Variants in HDAC8 observed in about 807,000 individuals in gnomAD.
HDAC8 encodes the protein histone deacetylase 8.
Under a neutral mutation model 32.2 loss-of-function variants are expected in HDAC8, and 1 was observed. The ratio of observed to expected loss-of-function variants is 0.03; its 90% confidence interval spans 0.01 to 0.15. The LOEUF is 0.15. HDAC8 is among the 10% of genes least tolerant of loss of function. The pLI is 1.00. For missense variants in HDAC8, 117 were observed against 300.0 expected, an observed-to-expected ratio of 0.39 and a Z score of 4.51; for synonymous variants, 108 against 113.9, an observed-to-expected ratio of 0.95 and a Z score of 0.33.
chrX:72,572,595 C>CA, intron 1 of HDAC8, 56 bp downstream of exon 1: 1 of 748,056 alleles, frequency 1.3e-6, no homozygotes, highest in Non-Finnish European at 2.0e-6. Context: ...CTCTTTCGTC[C>CA]ACCGCCCCCA....
intron 9 of HDAC8, among the ~76,000 whole-genome samples, chrX:72,452,333 G>A (rs1345627690): frequency 8.9e-6 from 1 of 111,996 alleles, no homozygotes; most frequent in South Asian, 3.7e-4. Context: ...GCACATGTCT[G>A]TAATCCCAGC....
intron 4 of HDAC8, among the ~76,000 whole-genome samples, chrX:72,552,818 T>C (rs1277510430): frequency 1.1e-5 from 1 of 88,722 alleles, no homozygotes; most frequent in Non-Finnish European, 1.9e-5. Context: ...TATATATACG[T>C]ATATATACAT....
At chrX:72,526,486 G>A (rs2050155774) in intron 4 of HDAC8, among the ~76,000 whole-genome samples, 1 of 111,124 alleles carries the variant, frequency 9.0e-6, no homozygotes. Flanking sequence ...CTTTTAGGGT[G>A]TGCTCTCAGT....
intron 9 of HDAC8, among the ~76,000 whole-genome samples, chrX:72,431,617 A>G (rs1471100996): frequency 1.8e-5 from 2 of 110,196 alleles, no homozygotes; most frequent in Non-Finnish European, 3.8e-5. Flanking sequence ...TTTACCGTCT[A>G]TTCACCAATC....
At chrX:72,448,303 T>G (rs2047472471) in intron 9 of HDAC8, among the ~76,000 whole-genome samples, 2 of 111,789 alleles carry the variant, frequency 1.8e-5, no homozygotes, top group South Asian at 7.5e-4. Context: ...CCTCTGATTT[T>G]TGACAAACCT....
At chrX:72,555,281 A>G (rs1287321784) in intron 4 of HDAC8, among the ~76,000 whole-genome samples, 1 of 112,123 alleles carries the variant, frequency 8.9e-6, no homozygotes, top group Non-Finnish European at 1.9e-5. Context: ...TCCCTCAGAT[A>G]CAGTCTACCC....
rs1006973039 is a variant in HDAC8, at chrX:72,572,790, C to T, written c.-29G>A. The T allele has an allele frequency of 1.7e-6, 2 of 1,153,319 alleles. No individual in the cohort carries two copies. Among genetic ancestry groups the T allele is most frequent in the Non-Finnish European group, 2.4e-6 (2 of 844,631 alleles). On this transcript the variant is annotated 5_prime_UTR_variant, in exon 1 of 11. Transcript: ENST00000373573. ...CCGCTTAAAACCGTTCCGCAGCCAC[C>T]TTCCAGATCTGGCTTTTTTCGGACT...
In HDAC8 at chrX:72,453,924, C is replaced by T. The variant is rs970988283; in HGVS notation, c.1005+8080G>A. Among the ~76,000 whole-genome samples, 3 of 111,995 alleles carry T rather than the reference C, an allele frequency of 2.7e-5. No individual in the cohort carries two copies. The Admixed American group carries it at 2.8e-4, about 11-fold the overall frequency. ...GAAGTGCTAAAAGAAAAATTATCAA[C>T]CTAGAATTCTACACCTAGTGAAAAT... is the stretch of plus-strand genomic sequence containing the variant. On this transcript the variant is annotated intron_variant, in intron 9 of 10. Transcript: ENST00000373573.
intron 9 of HDAC8, among the ~76,000 whole-genome samples, chrX:72,439,744 T>C (rs1261031754): frequency 9.3e-6 from 1 of 107,418 alleles, no homozygotes; most frequent in Non-Finnish European, 1.9e-5. Flanking sequence ...TACATAATGG[T>C]AAAGGGATCA....
chrX:72,522,214 A>G (rs1465692702), intron 4 of HDAC8, among the ~76,000 whole-genome samples: 1 of 112,331 alleles, frequency 8.9e-6, no homozygotes, highest in Non-Finnish European at 1.9e-5. Context: ...AACACGAAGG[A>G]AGGGTTGTTT....
chrX:72,571,553 C>CTTTTTTTTTTTTTTTTTT (rs782331910), intron 2 of HDAC8, among the ~76,000 whole-genome samples: 34 of 30,455 alleles, frequency 1.1e-3, no homozygotes, highest in Non-Finnish European at 1.8e-3. Context: ...TTCTTTCTTT[C>CTTTTTTTTTTTTTTTTTT]TTTTTTTTTT....
intron 9 of HDAC8, among the ~76,000 whole-genome samples, chrX:72,393,013 T>C (rs376546147): frequency 1.8e-5 from 2 of 112,178 alleles, no homozygotes; most frequent in East Asian, 5.6e-4. Flanking sequence ...TCCAGGAATG[T>C]TCTGTGACTC....
intron 9 of HDAC8, among the ~76,000 whole-genome samples, chrX:72,395,590 T>C (rs1242602933): frequency 8.9e-6 from 1 of 112,342 alleles, no homozygotes; most frequent in Non-Finnish European, 1.9e-5. Flanking sequence ...AGGGAGGTTA[T>C]GTGAGGAAAA....
At chrX:72,405,586 G>A (rs1432070427) in intron 9 of HDAC8, among the ~76,000 whole-genome samples, 3 of 112,376 alleles carry the variant, frequency 2.7e-5, no homozygotes, top group African/African-American at 9.7e-5. Flanking sequence ...CACCAACAGT[G>A]TATAAGCATT....
chrX:72,516,491 C>A (rs1293947359), intron 4 of HDAC8, among the ~76,000 whole-genome samples: 1 of 110,920 alleles, frequency 9.0e-6, no homozygotes, highest in Non-Finnish European at 1.9e-5. Context: ...CATTCCCTTT[C>A]TTAAGGGCTT....
At chrX:72,418,423 T>A (rs1042610906) in intron 9 of HDAC8, among the ~76,000 whole-genome samples, 1 of 111,085 alleles carries the variant, frequency 9.0e-6, no homozygotes, top group African/African-American at 3.3e-5. Flanking sequence ...CTAACAAACA[T>A]AGGAAAAAAT....
At chrX:72,449,170 G>C (rs911626072) in intron 9 of HDAC8, among the ~76,000 whole-genome samples, 2 of 112,157 alleles carry the variant, frequency 1.8e-5, no homozygotes, top group African/African-American at 6.5e-5. Context: ...GAAAGTCTTG[G>C]AACCAGTGCA....
intron 4 of HDAC8, among the ~76,000 whole-genome samples, chrX:72,544,197 G>A (rs1159480987): frequency 8.9e-6 from 1 of 111,816 alleles, no homozygotes; most frequent in Non-Finnish European, 1.9e-5. Flanking sequence ...TGATCGCTAA[G>A]AGCTCTCATT....
rs2043970915 is a variant in HDAC8 at position 72,344,423 on chromosome X, T to C, written c.1111+7310A>G. ...CCTCTCCCAAAACACACACTAAATA[T>C]AGTTACAAAATTGAGACTATATGGT... On this transcript the variant is annotated intron_variant, in intron 10 of 10. Transcript: ENST00000373573. Among the ~76,000 whole-genome samples, 3 of 112,125 alleles carry C rather than the reference T, an allele frequency of 2.7e-5. No individual in the cohort carries two copies. In the Admixed American group the frequency reaches 2.8e-4, roughly 11 times the overall value.
Sources: gnomAD v4.1 joint callset for allele counts (sites outside exome capture counted in the v4.1 genomes callset) on GRCh38, gnomAD v4.1.1 for gene constraint, MANE v1.5 for transcripts, NCBI Gene and HGNC (gene_info 2026-07-23, HGNC 2026-07-21) for gene names.